WDFY3: variants seen among roughly 807,000 people sequenced by gnomAD.
The protein encoded by WDFY3 is WD repeat and FYVE domain-containing protein 3.
In WDFY3, 66 loss-of-function variants were observed where a neutral mutation model predicts 409.6. The ratio of observed to expected loss-of-function variants is 0.16; its 90% CI spans 0.13 to 0.20. The LOEUF is 0.20. Ranked by LOEUF, WDFY3 falls within the 10% of genes least tolerant of loss-of-function variation. The pLI is 1.00. For missense variants in WDFY3, 3,031 were observed against 4,298.1 expected (o/e 0.71, Z 8.24); for synonymous variants, 1,521 against 1,537.1 (o/e 0.99, Z 0.25).
chr4:84,878,635 T>C (rs193147762), intron 3 of WDFY3, among the ~76,000 whole-genome samples: 127 of 152,332 alleles, frequency 8.3e-4, no homozygotes, highest in African/African-American at 2.9e-3. Context: ...CATAATGATG[T>C]TGACATGGTT....
Position 84,927,332 on chromosome 4 carries a change from G to GAC in WDFY3, c.-132+4936_-132+4937dup, listed in dbSNP as rs1164608483. 5.9e-5 allele frequency among the ~76,000 whole-genome samples: 8 copies of GAC among 135,872 alleles called. No homozygotes were observed. In the Admixed American group the frequency reaches 6.1e-4, roughly 10 times the overall value. 89.1% of individuals were successfully genotyped at this position (135,872 alleles called of 152,430 possible). A position where few individuals can be genotyped will look rare whatever the true frequency, so the allele number is the denominator to read the frequency against. On this transcript the variant is annotated intron_variant, in intron 2 of 67. Coordinates refer to ENST00000295888, the MANE Select transcript of WDFY3 (RefSeq NM_014991.6). ...TCCATATGTTACACACACACACACA[G>GAC]ACACACACACACCTTATAGATTAAC... is the stretch of plus-strand genomic sequence containing the variant.
chr4:84,761,172 A>G (rs1253629168), intron 32 of WDFY3, among the ~76,000 whole-genome samples: 1 of 151,900 alleles, frequency 6.6e-6, no homozygotes, highest in Non-Finnish European at 1.5e-5. Context: ...TCTGAGAGAT[A>G]GTTTGTTATA....
At chr4:84,860,722 TTC>T in intron 3 of WDFY3, 100 bp from the exon 4 acceptor site, 1 of 1,072,560 alleles carries the variant, frequency 9.3e-7, no homozygotes, top group Non-Finnish European at 1.2e-6. Flanking sequence ...AAATAGAAAA[TTC>T]TGTCTAAAAT....
intron 2 of WDFY3, among the ~76,000 whole-genome samples, chr4:84,901,230 C>A (rs775468937): frequency 2.0e-5 from 3 of 152,210 alleles, no homozygotes; most frequent in Non-Finnish European, 4.4e-5. Context: ...TTGAAAATTT[C>A]TCCTCTCCAA....
At chr4:84,712,477 T>C (rs1278838604) in intron 51 of WDFY3, among the ~76,000 whole-genome samples, 1 of 151,612 alleles carries the variant, frequency 6.6e-6, no homozygotes, top group East Asian at 1.9e-4. Flanking sequence ...TCCCAGCACT[T>C]TGGGAGGCCG....
rs1725610071 is a variant in WDFY3, at chr4:84,672,737, A to C, written c.*131T>G. ...CCCGTTTTATTCAATGATCCCTTTGAATTTTAACACTTCAAACACGTGGTA... is the reference window on the plus strand; with the variant it reads ...CCCGTTTTATTCAATGATCCCTTTGCATTTTAACACTTCAAACACGTGGTA... On this transcript the variant is annotated 3_prime_UTR_variant, in exon 68 of 68. Coordinates refer to ENST00000295888, the MANE Select transcript of WDFY3 (RefSeq NM_014991.6). 1.5e-6 allele frequency: 2 copies of C among 1,349,000 alleles called. No homozygotes were observed. The highest frequency in any genetic ancestry group is 2.0e-6 in the Non-Finnish European group (2 of 990,274). The allele number at this position is 1,349,000 out of a possible 1,614,324, so 83.6% of individuals were successfully genotyped here.
chr4:84,744,398 T>C (rs1017308578), intron 36 of WDFY3, among the ~76,000 whole-genome samples: 5 of 151,916 alleles, frequency 3.3e-5, no homozygotes, highest in East Asian at 1.9e-4. Flanking sequence ...CTGAGCTTCA[T>C]AGATGTCAAG....
At chr4:84,963,598 C>T (rs905419835) in intron 1 of WDFY3, among the ~76,000 whole-genome samples, 1 of 152,154 alleles carries the variant, frequency 6.6e-6, no homozygotes, top group Non-Finnish European at 1.5e-5. Flanking sequence ...ATTAAGATCT[C>T]TTCATACTGG....
chr4:84,887,338 CAAAT>C (rs1042056791), intron 3 of WDFY3, among the ~76,000 whole-genome samples: 4 of 152,136 alleles, frequency 2.6e-5, no homozygotes, highest in African/African-American at 9.7e-5. Flanking sequence ...CAGAAGAAAA[CAAAT>C]GAATTTCACT....
chr4:84,914,992 A>G (rs1243947268), intron 2 of WDFY3, among the ~76,000 whole-genome samples: 1 of 152,256 alleles, frequency 6.6e-6, no homozygotes, highest in Non-Finnish European at 1.5e-5. Flanking sequence ...TTATTCTTCC[A>G]TAATAGAAAT....
chr4:84,708,930 G>A lies in WDFY3; in HGVS notation c.8196C>T (p.Ile2732=). The A allele has an allele frequency of 6.2e-7, 1 of 1,613,802 alleles. No individual in the cohort carries two copies. The highest frequency in any genetic ancestry group is 8.5e-7 in the Non-Finnish European group (1 of 1,179,810). ...DLMQYPVFPW[I]LADYDSEEVD... The stretch of plus-strand genomic sequence containing the variant: ...TTACCTCTGAGTCATAATCTGCAAG[G>A]ATCCAGGGGAAGACAGGATACTGCA... Residue 2732 remains isoleucine, a synonymous_variant, in exon 53 of 68, where the codon ATC becomes ATT. Coordinates refer to ENST00000295888, the MANE Select transcript of WDFY3 (RefSeq NM_014991.6).
intron 24 of WDFY3, among the ~76,000 whole-genome samples, chr4:84,784,891 T>TATATATATACACACAC (rs1238884117): frequency 1.4e-4 from 5 of 36,930 alleles, no homozygotes; most frequent in African/African-American, 3.8e-4. Flanking sequence ...TATATATATA[T>TATATATATACACACAC]ACACACACAC....
Position 84,783,318 on chromosome 4 carries a change from C to T in WDFY3, c.4063-244G>A, listed in dbSNP as rs561200326. Reference sequence around the variant, plus strand: ...GACCAGCCTGGGAAACATGGCGAGACCCCCATCTCTACTAAAATGCAAAAA... The same window carrying T: ...GACCAGCCTGGGAAACATGGCGAGATCCCCATCTCTACTAAAATGCAAAAA... On this transcript the variant is annotated intron_variant, in intron 24 of 67. Transcript: ENST00000295888. Among the ~76,000 whole-genome samples, 389 of 152,162 alleles carry T rather than the reference C, an allele frequency of 2.6e-3. 2 individuals carry two copies. Among genetic ancestry groups the T allele is most frequent in the Non-Finnish European group, 4.3e-3 (290 of 67,996 alleles).
rs557795626 is a variant in WDFY3, at chr4:84,682,071, T to C, written c.9823+303A>G. Among the ~76,000 whole-genome samples, 11 of 152,352 alleles carry C rather than the reference T, an allele frequency of 7.2e-5. No homozygotes were observed. The South Asian group carries it at 2.3e-3, about 32-fold the overall frequency. On this transcript the variant is annotated intron_variant, in intron 64 of 67. Transcript: ENST00000295888. ...CTGACTTATACAACAGCACGCCCTCTAGGTCTGTTGTGTGTTTTCAGAAGT... is the reference window on the plus strand; with the variant it reads ...CTGACTTATACAACAGCACGCCCTCCAGGTCTGTTGTGTGTTTTCAGAAGT...
chr4:84,763,513 G>A (rs1418958144), intron 32 of WDFY3, among the ~76,000 whole-genome samples: 1 of 151,294 alleles, frequency 6.6e-6, no homozygotes. Flanking sequence ...AAACCTGAAT[G>A]TTCTGCACAT....
chr4:84,892,253 T>G (rs529473738), intron 3 of WDFY3, among the ~76,000 whole-genome samples: 5 of 152,004 alleles, frequency 3.3e-5, no homozygotes, highest in African/African-American at 1.2e-4. Context: ...TATTTTTAAG[T>G]TATTCTTTAA....
chr4:84,759,730 T>C (rs1198433315), intron 32 of WDFY3, among the ~76,000 whole-genome samples: 1 of 151,246 alleles, frequency 6.6e-6, no homozygotes, highest in East Asian at 1.9e-4. Flanking sequence ...TTTCTAGATA[T>C]ACAATCATGT....
At chr4:84,868,729 G>A (rs561487611) in intron 3 of WDFY3, among the ~76,000 whole-genome samples, 228 of 152,142 alleles carry the variant, frequency 1.5e-3, no homozygotes, top group African/African-American at 5.0e-3. Flanking sequence ...TGCCTTTCTG[G>A]AACCCTTTCT....
chr4:84,799,167 G>T (rs866149080), intron 17 of WDFY3, among the ~76,000 whole-genome samples: 35 of 151,006 alleles, frequency 2.3e-4, no homozygotes, highest in Admixed American at 1.1e-3. Flanking sequence ...TCATTTTTTT[G>T]TGTGTGTGAG....
Sources: gnomAD v4.1 joint callset for allele counts (sites outside exome capture counted in the v4.1 genomes callset) on GRCh38, gnomAD v4.1.1 for gene constraint, MANE v1.5 for transcripts, NCBI Gene and HGNC (gene_info 2026-07-23, HGNC 2026-07-21) for gene names.